FOXK1: variants seen among roughly 807,000 people sequenced by gnomAD.
The protein encoded by FOXK1 is forkhead box K1.
Under a neutral mutation model 51.9 loss-of-function variants are expected in FOXK1, and 19 were observed. That is an observed-to-expected ratio of 0.37 (90% CI 0.26 to 0.54). The LOEUF is 0.54. Ranked by LOEUF, FOXK1 falls within the 20% of genes least tolerant of loss-of-function variation. FOXK1 has a pLI of 0.87. For missense variants in FOXK1, 870 were observed against 1,032.7 expected (o/e 0.84, Z 2.16); for synonymous variants, 537 against 482.6 (o/e 1.11, Z -1.48).
chr7:4,705,252 A>G (rs1449787178), intron 1 of FOXK1, among the ~76,000 whole-genome samples: 11 of 152,020 alleles, frequency 7.2e-5, no homozygotes, highest in Admixed American at 7.2e-4. Flanking sequence ...CAGTGGCATG[A>G]TCACAGCTCA....
chr7:4,713,842 G>A (rs1409009079), intron 1 of FOXK1, among the ~76,000 whole-genome samples: 3 of 145,968 alleles, frequency 2.1e-5, no homozygotes, highest in African/African-American at 5.1e-5. Flanking sequence ...TTCTTTTTTT[G>A]GAGACAGAGT....
chr7:4,688,682 C>T (rs1258847734), intron 1 of FOXK1, among the ~76,000 whole-genome samples: 1 of 152,146 alleles, frequency 6.6e-6, no homozygotes, highest in African/African-American at 2.4e-5. Flanking sequence ...GCCCGGCACC[C>T]TCTGCTTTTT....
intron 1 of FOXK1, among the ~76,000 whole-genome samples, chr7:4,705,993 CGTATATATACGT>C: frequency 9.7e-6 from 1 of 103,220 alleles, no homozygotes; most frequent in South Asian, 2.6e-4. Context: ...CGTATATATA[CGTATATATACGT>C]ATATATACGT....
rs1162542342 is a variant in FOXK1, at chr7:4,682,511, C to G, written c.203C>G (p.Ala68Gly). ...PPLPPGAIAG[A>G]GSSGGSSGVS... The stretch of plus-strand genomic sequence containing the variant: ...CTGCCTCCGGGCGCGATCGCGGGCG[C>G]GGGCTCCTCCGGGGGCTCCTCCGGG... Residue 68 changes from alanine to glycine, a missense_variant, in exon 1 of 9, where the codon GCG becomes GGG. Transcript: ENST00000328914. This position sits in a 1 kb window ranked among gnomAD's most constrained non-coding sequence, Gnocchi z 7.6. The G allele has an allele frequency of 2.8e-6, 3 of 1,063,476 alleles. No homozygotes were observed. Among genetic ancestry groups the G allele is most frequent in the Non-Finnish European group, 3.4e-6 (3 of 882,570 alleles). 65.9% of individuals were successfully genotyped at this position (1,063,476 alleles called of 1,614,324 possible). A position where few individuals can be genotyped will look rare whatever the true frequency, so the allele number is the denominator to read the frequency against.
At chr7:4,714,465 G>A (rs771874909) in intron 1 of FOXK1, among the ~76,000 whole-genome samples, 22 of 152,092 alleles carry the variant, frequency 1.4e-4, no homozygotes, top group African/African-American at 3.4e-4. Flanking sequence ...AGTAGAGACC[G>A]GGTTTCGCCA....
intron 1 of FOXK1, among the ~76,000 whole-genome samples, chr7:4,713,445 GC>G (rs1264385779): frequency 6.6e-6 from 1 of 152,054 alleles, no homozygotes; most frequent in African/African-American, 2.4e-5. Flanking sequence ...GGAAAGCCCT[GC>G]GAGGTCAGCT....
intron 2 of FOXK1, among the ~76,000 whole-genome samples, chr7:4,744,621 T>A (rs1780677455): frequency 6.6e-6 from 1 of 152,270 alleles, no homozygotes; most frequent in Non-Finnish European, 1.5e-5. Flanking sequence ...AATTGTGTAC[T>A]GAGCACCTGA....
rs903316452 is a variant in FOXK1, at chr7:4,712,659, C to G, written c.561-28179C>G. Among the ~76,000 whole-genome samples, 5 of 152,282 alleles carry G rather than the reference C, an allele frequency of 3.3e-5. No individual in the cohort carries two copies. In the East Asian group the frequency reaches 9.7e-4, roughly 29 times the overall value. ...TCATGTTTGTCTTTAAGTGTACCAGCGATCAGGCTTCTCATTTTACACCTC... is the reference window on the plus strand; with the variant it reads ...TCATGTTTGTCTTTAAGTGTACCAGGGATCAGGCTTCTCATTTTACACCTC... On this transcript the variant is annotated intron_variant, in intron 1 of 8. Transcript: ENST00000328914.
At position 4,750,445 on chromosome 7, in the gene FOXK1, C is replaced by CT. The variant is rs1217215296; in HGVS notation, c.747-3999dup. 2.5e-3 allele frequency among the ~76,000 whole-genome samples: 357 copies of CT among 142,606 alleles called. 1 individual carries two copies. Among genetic ancestry groups the CT allele is most frequent in the South Asian group, 4.0e-3 (18 of 4,462 alleles). The allele number at this position is 142,606 out of a possible 152,430, so 93.6% of individuals were successfully genotyped here. A position where few individuals can be genotyped will look rare whatever the true frequency, so the allele number is the denominator to read the frequency against. Reference sequence around the variant, plus strand: ...CACGTGTATGCCGTCGTTTTCAGCACTTTTTTTTTTTTTTTGAGACAGAAT... The same window carrying CT: ...CACGTGTATGCCGTCGTTTTCAGCACTTTTTTTTTTTTTTTTGAGACAGAAT... On this transcript the variant is annotated intron_variant, in intron 2 of 8. Coordinates refer to ENST00000328914, the MANE Select transcript of FOXK1 (RefSeq NM_001037165.2).
chr7:4,708,205 C>G (rs1780129465), intron 1 of FOXK1, among the ~76,000 whole-genome samples: 1 of 152,134 alleles, frequency 6.6e-6, no homozygotes, highest in African/African-American at 2.4e-5. Context: ...GATTTTGGTG[C>G]TGATGCTGTG....
chr7:4,727,061 C>T (rs768348290), intron 1 of FOXK1, among the ~76,000 whole-genome samples: 4 of 152,026 alleles, frequency 2.6e-5, no homozygotes, highest in African/African-American at 9.7e-5. Flanking sequence ...CCTCCTGCCT[C>T]AGTCTCCTGG....
intron 1 of FOXK1, among the ~76,000 whole-genome samples, chr7:4,687,492 C>T (rs1779836641): frequency 1.3e-5 from 2 of 151,964 alleles, no homozygotes; most frequent in Admixed American, 1.3e-4. Context: ...GGGGTTTCAC[C>T]ACGTTGGCCA....
In FOXK1 at chr7:4,753,751, G is replaced by A. The variant is rs1464581659; in HGVS notation, c.747-708G>A. Among the ~76,000 whole-genome samples, 2 of 152,210 alleles carry A rather than the reference G, an allele frequency of 1.3e-5. No individual in the cohort carries two copies. Among genetic ancestry groups the A allele is most frequent in the African/African-American group, 2.4e-5 (1 of 41,458 alleles). On this transcript the variant is annotated intron_variant, in intron 2 of 8. Coordinates refer to ENST00000328914, the MANE Select transcript of FOXK1 (RefSeq NM_001037165.2). The surrounding 1 kb of genome is among the most constrained non-coding windows in gnomAD (Gnocchi z 4.9). ...GAAGCAGGCCAGAGCACACCCCTCA[G>A]CCGGACGGACGCAGCCTCCTGCCTG... is the stretch of plus-strand genomic sequence containing the variant.
chr7:4,754,888 C>T (rs1780824717), intron 3 of FOXK1: 1 of 583,810 alleles, frequency 1.7e-6, no homozygotes, highest in Admixed American at 3.0e-5. Flanking sequence ...CCGCTGGCAG[C>T]CCGGCGTCAA....
At position 4,723,708 on chromosome 7, in the gene FOXK1, C is replaced by T. The variant is rs977406372; in HGVS notation, c.561-17130C>T. ...TTTGAGATAGGGTCTTGCTCTGTCTCCCAGGCTGGAGTGCAGTGGTGCAAT... is the reference window on the plus strand; with the variant it reads ...TTTGAGATAGGGTCTTGCTCTGTCTTCCAGGCTGGAGTGCAGTGGTGCAAT... On this transcript the variant is annotated intron_variant, in intron 1 of 8. Coordinates refer to ENST00000328914, the MANE Select transcript of FOXK1 (RefSeq NM_001037165.2). This position sits in a 1 kb window ranked among gnomAD's most constrained non-coding sequence, Gnocchi z 4.7. Among the ~76,000 whole-genome samples, 1 of 152,182 alleles carries T rather than the reference C, an allele frequency of 6.6e-6. No homozygotes were observed. The highest frequency in any genetic ancestry group is 1.5e-5 in the Non-Finnish European group (1 of 68,034).
At position 4,771,221 on chromosome 7, in the gene FOXK1, A is replaced by T. The variant is rs999348168; in HGVS notation, c.*8757A>T. On this transcript the variant is annotated 3_prime_UTR_variant, in exon 9 of 9. Transcript: ENST00000328914. ...TACAGTATTTTTTTAATAAGGAGCC[A>T]TACTTTTTTTTAAGAGTTTGAGATC... 1 of 152,616 alleles carries T rather than the reference A, an allele frequency of 6.6e-6. No individual in the cohort carries two copies. The highest frequency in any genetic ancestry group is 2.4e-5 in the African/African-American group (1 of 41,432). The allele number at this position is 152,616 out of a possible 1,614,324, so 9.5% of individuals were successfully genotyped here.
At position 4,743,291 on chromosome 7, in the gene FOXK1, A is replaced by G. The variant is rs1251683210; in HGVS notation, c.746+2268A>G. 4.6e-5 allele frequency among the ~76,000 whole-genome samples: 7 copies of G among 152,234 alleles called. No homozygotes were observed. Among genetic ancestry groups the G allele is most frequent in the Admixed American group, 4.6e-4 (7 of 15,290 alleles). On this transcript the variant is annotated intron_variant, in intron 2 of 8. Transcript: ENST00000328914. This position sits in a 1 kb window ranked among gnomAD's most constrained non-coding sequence, Gnocchi z 5.3. ...GAACTGGCCGGGCGCGGTGGCTCAC[A>G]CTGGTAATGCCAGCACTGTGGGAGG...
chr7:4,688,281 A>C (rs1324831244), intron 1 of FOXK1, among the ~76,000 whole-genome samples: 1 of 151,544 alleles, frequency 6.6e-6, no homozygotes, highest in African/African-American at 2.4e-5. Flanking sequence ...AAAAAAAAAA[A>C]ACCACAGTGT....
chr7:4,744,935 C>G (rs1263229234), intron 2 of FOXK1, among the ~76,000 whole-genome samples: 2 of 152,250 alleles, frequency 1.3e-5, no homozygotes, highest in Non-Finnish European at 2.9e-5. Context: ...TGTTTACATC[C>G]GTTTATCTTA....
Sources: gnomAD v4.1 joint callset for allele counts (sites outside exome capture counted in the v4.1 genomes callset) on GRCh38, gnomAD v4.1.1 for gene constraint, Gnocchi (gnomAD v3.1) non-coding constraint, MANE v1.5 for transcripts, NCBI Gene and HGNC (gene_info 2026-07-23, HGNC 2026-07-21) for gene names.